COL5A1: variants seen among roughly 807,000 people sequenced by gnomAD.
COL5A1 encodes the protein collagen type V alpha 1 chain.
In COL5A1, 16 loss-of-function variants were observed where a neutral mutation model predicts 263.7. The ratio of observed to expected loss-of-function variants is 0.06; its 90% CI spans 0.04 to 0.09. COL5A1 has a LOEUF of 0.09. COL5A1 is among the 10% of genes least tolerant of loss of function. The pLI is 1.00. For synonymous variants in COL5A1, 1,012 were observed against 1,004.5 expected, an observed-to-expected ratio of 1.01 and a Z score of -0.14; for missense variants, 2,036 against 2,540.5, an observed-to-expected ratio of 0.80 and a Z score of 4.27.
chr9:134,823,759 G>A (rs933139364), intron 61 of COL5A1, among the ~76,000 whole-genome samples: 20 of 152,296 alleles, frequency 1.3e-4, no homozygotes, highest in East Asian at 5.8e-4. Context: ...TAGTATATGC[G>A]TGTATGTGAC....
At chr9:134,787,456 G>A (rs1024233766) in intron 31 of COL5A1, among the ~76,000 whole-genome samples, 11 of 152,346 alleles carry the variant, frequency 7.2e-5, no homozygotes, top group African/African-American at 2.4e-4. Context: ...ATACAAGTGT[G>A]CATTCAGGAC....
intron 4 of COL5A1, among the ~76,000 whole-genome samples, chr9:134,707,688 G>A (rs1052433100): frequency 6.6e-6 from 1 of 152,208 alleles, no homozygotes; most frequent in African/African-American, 2.4e-5. Context: ...TCCCAGGCTG[G>A]GGCCTTTGGA....
chr9:134,801,976 C>G lies in COL5A1; in HGVS notation c.2975C>G (p.Pro992Arg), dbSNP rs1227683449. The G allele has an allele frequency of 6.2e-7, 1 of 1,613,366 alleles. No individual in the cohort carries two copies. Among genetic ancestry groups the G allele is most frequent in the Non-Finnish European group, 8.5e-7 (1 of 1,180,042 alleles). ...GETGFQGKTG[P>R]PGPPGVVGPQ... ...CAGGGTTTCCAAGGCAAGACCGGCC[C>G]TCCAGGCCCCCCCGGCGTGGTCGGC... Residue 992 changes from proline (P) to arginine (R), a missense_variant, in exon 38 of 66, where the codon CCT becomes CGT. Around this residue, in one of 3 missense-constraint regions of COL5A1, gnomAD observed 1,078 missense variants for 1,521.4 expected, o/e 0.71. Transcript: ENST00000371817.
Position 134,738,691 on chromosome 9 carries a change from GA to G in COL5A1, c.1432-54del. On this transcript the variant is annotated intron_variant, in intron 10 of 65. Transcript: ENST00000371817. ...GCCTTGGTTGGCCAGTTGGAACTTGGACCTTGCCCTGCGGCCCCATCTTCTA... is the reference window on the plus strand; with the variant it reads ...GCCTTGGTTGGCCAGTTGGAACTTGGCCTTGCCCTGCGGCCCCATCTTCTA... 2.6e-6 allele frequency: 4 copies of G among 1,514,268 alleles called. No individual in the cohort carries two copies. The South Asian group carries it at 4.5e-5, about 17-fold the overall frequency. 93.8% of individuals were successfully genotyped at this position (1,514,268 alleles called of 1,614,324 possible). A position where few individuals can be genotyped will look rare whatever the true frequency, so the allele number is the denominator to read the frequency against.
At chr9:134,817,721 C>T (rs931027461) in intron 53 of COL5A1, 57 bp from the exon 54 acceptor site, 4 of 1,544,828 alleles carry the variant, frequency 2.6e-6, no homozygotes, top group East Asian at 2.3e-5. Context: ...CACCCGAGCT[C>T]GTCCCTCCAC....
chr9:134,654,868 CTAGGGCTGGGGGTGTG>C (rs1428975220), intron 1 of COL5A1, among the ~76,000 whole-genome samples: 62 of 49,060 alleles, frequency 1.3e-3, no homozygotes, highest in African/African-American at 2.9e-3. Context: ...CTGGAAGTGT[CTAGGGCTGGGGGTGTG>C]TAGGGCTGGG....
chr9:134,704,356 C>T (rs751749310), intron 4 of COL5A1, among the ~76,000 whole-genome samples: 2 of 152,080 alleles, frequency 1.3e-5, no homozygotes, highest in African/African-American at 2.4e-5. Flanking sequence ...TATGAGTGGC[C>T]GACAGCAAAC....
chr9:134,799,849 G>A (rs1838044591), intron 37 of COL5A1, among the ~76,000 whole-genome samples: 1 of 152,204 alleles, frequency 6.6e-6, no homozygotes, highest in Non-Finnish European at 1.5e-5. Context: ...TACATATTAT[G>A]TGCTTTTCTC....
rs368011067 is a variant in COL5A1, at chr9:134,818,715, C to T, written c.4290C>T (p.Ala1430=). Residue 1430 remains alanine, a synonymous_variant, in exon 55 of 66, where the codon GCC becomes GCT. Transcript: ENST00000371817. This position sits in a 1 kb window ranked among gnomAD's most constrained non-coding sequence, Gnocchi z 6.0. The stretch of plus-strand genomic sequence containing the variant: ...CTGGCCCCATCGGCCCCCAGGGGGC[C>T]CCTGGGAAGCCCGGACCGGATGGCC... ...GKTGPIGPQG[A]PGKPGPDGLR... 5.7e-5 allele frequency: 92 copies of T among 1,611,008 alleles called. No individual in the cohort carries two copies. The highest frequency in any genetic ancestry group is 6.6e-5 in the Non-Finnish European group (78 of 1,179,178).
chr9:134,717,729 C>G (rs1834319736), intron 4 of COL5A1, among the ~76,000 whole-genome samples: 2 of 152,230 alleles, frequency 1.3e-5, no homozygotes, highest in Non-Finnish European at 1.5e-5. Flanking sequence ...AAGGGTTTGT[C>G]TTAAATAGTT....
intron 9 of COL5A1, among the ~76,000 whole-genome samples, chr9:134,738,210 T>C (rs1835172007): frequency 6.6e-6 from 1 of 152,200 alleles, no homozygotes; most frequent in African/African-American, 2.4e-5. Flanking sequence ...CTTCAGGTGC[T>C]TCTCGTGGCG....
At chr9:134,656,620 C>G (rs1315675582) in intron 1 of COL5A1, among the ~76,000 whole-genome samples, 2 of 152,086 alleles carry the variant, frequency 1.3e-5, no homozygotes, top group East Asian at 1.9e-4. Context: ...AGTGCAAGCA[C>G]CAGGTGCACT....
intron 44 of COL5A1, 149 bp from the exon 45 acceptor site, chr9:134,811,190 T>C: frequency 1.3e-6 from 1 of 794,646 alleles, no homozygotes; most frequent in South Asian, 1.4e-5. Flanking sequence ...TGCAGCAGGC[T>C]TGCATCGTGG....
intron 36 of COL5A1, 29 bp downstream of exon 36, chr9:134,796,930 C>T: frequency 1.2e-6 from 2 of 1,600,504 alleles, no homozygotes; most frequent in Non-Finnish European, 1.7e-6. Flanking sequence ...GCTGGGCCAG[C>T]ACTGCCTGTC....
At chr9:134,760,216 C>T (rs1172991414) in intron 18 of COL5A1, among the ~76,000 whole-genome samples, 3 of 126,026 alleles carry the variant, frequency 2.4e-5, no homozygotes, top group Non-Finnish European at 4.9e-5. Context: ...TACACACATG[C>T]ACACACCACA....
Position 134,841,924 on chromosome 9 carries a change from C to T in COL5A1, c.5371-233C>T, listed in dbSNP as rs185271583. On this transcript the variant is annotated intron_variant, in intron 65 of 65. Coordinates refer to ENST00000371817, the MANE Select transcript of COL5A1 (RefSeq NM_000093.5). The surrounding 1 kb of genome is among the most constrained non-coding windows in gnomAD (Gnocchi z 4.8). The stretch of plus-strand genomic sequence containing the variant: ...GGTCCTGTCGCCTCGCTGATGCCCA[C>T]ACCACCCCACCTCCGACCTGTGCAG... Among the ~76,000 whole-genome samples the T allele has an allele frequency of 3.9e-5, 6 of 152,256 alleles. No individual in the cohort carries two copies. Among genetic ancestry groups the T allele is most frequent in the African/African-American group, 1.4e-4 (6 of 41,542 alleles).
intron 26 of COL5A1, among the ~76,000 whole-genome samples, chr9:134,773,581 A>T (rs72774440): frequency 0.14 from 21,475 of 152,250 alleles, 1,676 homozygotes; most frequent in Non-Finnish European, 0.17. Context: ...CAGAGGCCCC[A>T]GTTGTCACAG....
chr9:134,714,155 A>C (rs1028318225), intron 4 of COL5A1, among the ~76,000 whole-genome samples: 4 of 152,104 alleles, frequency 2.6e-5, no homozygotes, highest in African/African-American at 4.8e-5. Flanking sequence ...TGAACAAAAG[A>C]ATGAACAATC....
At chr9:134,702,556 GA>G (rs1480868382) in intron 4 of COL5A1, among the ~76,000 whole-genome samples, 1 of 152,210 alleles carries the variant, frequency 6.6e-6, no homozygotes, top group Non-Finnish European at 1.5e-5. Flanking sequence ...GCACGCGAAG[GA>G]GACATCACAC....
Sources: allele counts gnomAD v4.1 joint callset (sites outside exome capture counted in the v4.1 genomes callset), GRCh38; gene constraint gnomAD v4.1.1; regional missense constraint gnomAD v4.1.1; non-coding constraint Gnocchi (gnomAD v3.1); transcripts MANE v1.5; gene names NCBI Gene and HGNC (gene_info 2026-07-23, HGNC 2026-07-21).